The following SLC4A4 variants were observed in gnomAD, a reference collection of about 807,000 sequenced individuals.
SLC4A4 encodes electrogenic sodium bicarbonate cotransporter 1.
In SLC4A4, 27 loss-of-function variants were observed where a neutral mutation model predicts 111.5. The observed-to-expected ratio is 0.24, with a 90% confidence interval of 0.18 to 0.33. The LOEUF (loss-of-function observed/expected upper bound fraction) is 0.33, where lower values mean the gene tolerates loss of function less well. SLC4A4 is among the 10% of genes least tolerant of loss of function. SLC4A4 has a pLI of 1.00. For missense variants in SLC4A4, 909 were observed against 1,315.5 expected, an observed-to-expected ratio of 0.69 and a Z score of 4.78; for synonymous variants, 443 against 463.4, an observed-to-expected ratio of 0.96 and a Z score of 0.57.
chr4:71,177,383 C>A (rs938163854), intron 2 of SLC4A4, among the ~76,000 whole-genome samples: 1 of 152,046 alleles, frequency 6.6e-6, no homozygotes, highest in Non-Finnish European at 1.5e-5. Context: ...CACAGACTGG[C>A]AAATTGGATA....
At chr4:71,462,261 A>AT (rs1726901176) in intron 12 of SLC4A4, among the ~76,000 whole-genome samples, 1 of 152,002 alleles carries the variant, frequency 6.6e-6, no homozygotes, top group African/African-American at 2.4e-5. Context: ...GTAGCTATTG[A>AT]TTTTACAGAA....
At chr4:71,487,831 T>G (rs1312985420) in intron 15 of SLC4A4, among the ~76,000 whole-genome samples, 4 of 151,666 alleles carry the variant, frequency 2.6e-5, no homozygotes, top group African/African-American at 9.7e-5. Context: ...TGGGCAACTC[T>G]CACGTGACCC....
chr4:71,403,498 A>T (rs1720555693), intron 7 of SLC4A4, among the ~76,000 whole-genome samples: 1 of 152,198 alleles, frequency 6.6e-6, no homozygotes, highest in African/African-American at 2.4e-5. Context: ...AAAGCAGGGT[A>T]ATGTGGAGAG....
chr4:71,096,826 C>T (rs888890936), intron 2 of SLC4A4, among the ~76,000 whole-genome samples: 3 of 152,022 alleles, frequency 2.0e-5, no homozygotes, highest in African/African-American at 7.2e-5. Context: ...AAGGCATTGT[C>T]GTTGGATCTT....
At chr4:71,109,353 A>G (rs1331559806) in intron 2 of SLC4A4, among the ~76,000 whole-genome samples, 1 of 152,060 alleles carries the variant, frequency 6.6e-6, no homozygotes, top group Non-Finnish European at 1.5e-5. Flanking sequence ...AGGGGGGAAA[A>G]TGCACCAATC....
chr4:71,281,165 G>A (rs1287031640), intron 3 of SLC4A4, among the ~76,000 whole-genome samples: 1 of 152,150 alleles, frequency 6.6e-6, no homozygotes, highest in Non-Finnish European at 1.5e-5. Flanking sequence ...ACTTAACTTT[G>A]AGTTAGACAA....
chr4:71,084,000 G>GTCTCTC (rs146795435), intron 1 of SLC4A4, among the ~76,000 whole-genome samples: 2 of 148,330 alleles, frequency 1.3e-5, no homozygotes, highest in African/African-American at 5.0e-5. Context: ...GGCTGGAGCT[G>GTCTCTC]TCTCTCTCTC....
At chr4:71,077,446 G>C (rs926445742) in intron 1 of SLC4A4, among the ~76,000 whole-genome samples, 5 of 152,170 alleles carry the variant, frequency 3.3e-5, no homozygotes, top group African/African-American at 1.2e-4. Context: ...ACAGGCATGA[G>C]CCATCTTGCC....
chr4:71,124,402 C>G (rs529560230), intron 2 of SLC4A4, among the ~76,000 whole-genome samples: 1 of 151,994 alleles, frequency 6.6e-6, no homozygotes, highest in Non-Finnish European at 1.5e-5. Context: ...GATCTCTTGA[C>G]TATGTGATCC....
intron 1 of SLC4A4, among the ~76,000 whole-genome samples, chr4:71,085,990 T>G (rs1360336582): frequency 6.6e-6 from 1 of 152,060 alleles, no homozygotes; most frequent in African/African-American, 2.4e-5. Context: ...TAAATGACCT[T>G]GGGCAGTATG....
At chr4:71,291,685 A>ATTTT (rs1724365406) in intron 3 of SLC4A4, among the ~76,000 whole-genome samples, 1 of 152,176 alleles carries the variant, frequency 6.6e-6, no homozygotes, top group South Asian at 2.1e-4. Context: ...GCACCCCAAA[A>ATTTT]GGGTCCTCAG....
chr4:71,542,875 T>C (rs1011475386), intron 18 of SLC4A4, among the ~76,000 whole-genome samples: 22 of 152,120 alleles, frequency 1.4e-4, no homozygotes, highest in African/African-American at 5.3e-4. Context: ...CAGAGTGCCA[T>C]TGAATGAGCG....
intron 6 of SLC4A4, among the ~76,000 whole-genome samples, chr4:71,392,438 C>T (rs1030022889): frequency 6.6e-6 from 1 of 152,126 alleles, no homozygotes; most frequent in Admixed American, 6.5e-5. Context: ...TAGATTCCAA[C>T]TAGTATAGAT....
chr4:71,075,581 G>A (rs1741789459), intron 1 of SLC4A4, among the ~76,000 whole-genome samples: 1 of 152,052 alleles, frequency 6.6e-6, no homozygotes, highest in South Asian at 2.1e-4. Flanking sequence ...TGCTGTTCAC[G>A]CTGCCTGGGG....
intron 20 of SLC4A4, among the ~76,000 whole-genome samples, chr4:71,554,389 C>T (rs1297223104): frequency 2.6e-5 from 4 of 151,764 alleles, no homozygotes; most frequent in Non-Finnish European, 5.9e-5. Context: ...TTAGTTTCCT[C>T]AGTACTAGGG....
At chr4:71,324,159 A>T (rs1211455396) in intron 3 of SLC4A4, among the ~76,000 whole-genome samples, 2 of 151,892 alleles carry the variant, frequency 1.3e-5, no homozygotes, top group Non-Finnish European at 2.9e-5. Context: ...GTTTCTGTGA[A>T]CCTATTTCTT....
chr4:71,305,790 C>T (rs1454573337), intron 3 of SLC4A4, among the ~76,000 whole-genome samples: 1 of 152,118 alleles, frequency 6.6e-6, no homozygotes, highest in Non-Finnish European at 1.5e-5. Flanking sequence ...CGTCTATTCC[C>T]GCATGGGCCA....
At chr4:71,479,732 G>A (rs1221487808) in intron 14 of SLC4A4, among the ~76,000 whole-genome samples, 3 of 151,618 alleles carry the variant, frequency 2.0e-5, no homozygotes, top group African/African-American at 4.8e-5. Context: ...CTCCTTTACC[G>A]GCACAGTTGA....
chr4:71,145,805 A>G (rs1213035373), intron 2 of SLC4A4, among the ~76,000 whole-genome samples: 5 of 150,446 alleles, frequency 3.3e-5, no homozygotes, highest in African/African-American at 9.8e-5. Flanking sequence ...CCCCTTTGTC[A>G]TTTTTTCTTG....
Sources: gnomAD v4.1 joint callset for allele counts (sites outside exome capture counted in the v4.1 genomes callset) on GRCh38, gnomAD v4.1.1 for gene constraint, MANE v1.5 for transcripts, NCBI Gene and HGNC (gene_info 2026-07-23, HGNC 2026-07-21) for gene names.